The following TBC1D9 variants were observed in gnomAD, a reference collection of about 807,000 sequenced individuals.
The protein encoded by TBC1D9 is TBC1 domain family member 9, also known as TBC1 domain family member 9A.
A neutral mutation model predicts 132.0 loss-of-function variants in TBC1D9; 63 were observed. The ratio of observed to expected loss-of-function variants is 0.48; its 90% CI spans 0.39 to 0.59. The LOEUF (loss-of-function observed/expected upper bound fraction) is 0.59, where lower values mean the gene tolerates loss of function less well. Among genes scored for constraint, TBC1D9 ranks in the 20% least tolerant of loss-of-function variants. TBC1D9 has a pLI of 0.00. For missense variants in TBC1D9, 1,261 were observed against 1,592.7 expected (o/e 0.79, Z 3.54); for synonymous variants, 610 against 609.9 (o/e 1.00, Z 0.00).
intron 1 of TBC1D9, among the ~76,000 whole-genome samples, chr4:140,721,816 TCTC>T (rs1433802264): frequency 6.6e-6 from 1 of 152,140 alleles, no homozygotes; most frequent in Non-Finnish European, 1.5e-5. Flanking sequence ...CTAGAATTGT[TCTC>T]CTGTGACTGA....
intron 1 of TBC1D9, among the ~76,000 whole-genome samples, chr4:140,755,649 C>G (rs2111090725): frequency 6.6e-6 from 1 of 151,936 alleles, no homozygotes; most frequent in East Asian, 1.9e-4. Flanking sequence ...TCCCTCCGCC[C>G]CAGACTCACT....
chr4:140,672,805 A>C (rs1229108193), intron 6 of TBC1D9, among the ~76,000 whole-genome samples: 1 of 152,252 alleles, frequency 6.6e-6, no homozygotes, highest in East Asian at 1.9e-4. Context: ...TTGAGTTATA[A>C]AAGAGACTGC....
At chr4:140,625,430 G>A (rs2321386) in intron 18 of TBC1D9, among the ~76,000 whole-genome samples, 1 of 152,174 alleles carries the variant, frequency 6.6e-6, no homozygotes, top group Non-Finnish European at 1.5e-5. Context: ...GGTGTACAAT[G>A]CCCTCAGTTT....
At chr4:140,722,482 G>A (rs1054064193) in intron 1 of TBC1D9, among the ~76,000 whole-genome samples, 1 of 152,124 alleles carries the variant, frequency 6.6e-6, no homozygotes, top group African/African-American at 2.4e-5. Flanking sequence ...TCAATCATTT[G>A]TTCATCTGGG....
intron 1 of TBC1D9, among the ~76,000 whole-genome samples, chr4:140,736,892 G>A (rs1475897511): frequency 6.6e-6 from 1 of 152,210 alleles, no homozygotes; most frequent in Non-Finnish European, 1.5e-5. Flanking sequence ...GAATTAGCAA[G>A]AGGCAACCAG....
intron 13 of TBC1D9, chr4:140,643,567 G>C: frequency 1.1e-6 from 1 of 883,620 alleles, no homozygotes; most frequent in Non-Finnish European, 1.8e-6. Context: ...AGGCTGGGCT[G>C]GGGCTCGCTC....
chr4:140,712,601 G>A (rs2111049849), intron 1 of TBC1D9, among the ~76,000 whole-genome samples: 1 of 151,574 alleles, frequency 6.6e-6, no homozygotes, highest in Middle Eastern at 3.4e-3. Flanking sequence ...AATTAGCTAG[G>A]CGTAGTGGCG....
At position 140,745,096 on chromosome 4, in the gene TBC1D9, T is replaced by C. The variant is rs188890581; in HGVS notation, c.130+10820A>G. Reference sequence around the variant, plus strand: ...CCCCACCTCTTTGAGTAGTCCTGTCTGCCCAGACAAAACCAATTACACCTT... The same window carrying C: ...CCCCACCTCTTTGAGTAGTCCTGTCCGCCCAGACAAAACCAATTACACCTT... On this transcript the variant is annotated intron_variant, in intron 1 of 20. Transcript: ENST00000442267. 2.0e-4 allele frequency among the ~76,000 whole-genome samples: 30 copies of C among 152,228 alleles called. No homozygotes were observed. The East Asian group carries it at 4.6e-3, about 24-fold the overall frequency.
At chr4:140,715,236 T>C (rs1738316882) in intron 1 of TBC1D9, among the ~76,000 whole-genome samples, 1 of 152,196 alleles carries the variant, frequency 6.6e-6, no homozygotes, top group African/African-American at 2.4e-5. Flanking sequence ...AAGGAGAGTA[T>C]AATGAGGCAT....
intron 13 of TBC1D9, chr4:140,642,738 C>T (rs1737024635): frequency 3.1e-6 from 2 of 650,960 alleles, no homozygotes; most frequent in East Asian, 2.6e-5. Context: ...TTCCTTATTC[C>T]TGCTCCCAGC....
At chr4:140,732,267 T>C (rs1419850198) in intron 1 of TBC1D9, among the ~76,000 whole-genome samples, 2 of 152,164 alleles carry the variant, frequency 1.3e-5, no homozygotes, top group Non-Finnish European at 2.9e-5. Context: ...ACCTTAATCT[T>C]CTCCAGTTGA....
intron 13 of TBC1D9, among the ~76,000 whole-genome samples, chr4:140,647,927 G>T (rs1398269088): frequency 6.6e-6 from 1 of 152,150 alleles, no homozygotes. Flanking sequence ...TTTGGGGGGG[G>T]TCTCTCCCTC....
intron 1 of TBC1D9, among the ~76,000 whole-genome samples, chr4:140,742,448 C>T (rs552638546): frequency 1.4e-5 from 2 of 143,260 alleles, no homozygotes; most frequent in African/African-American, 2.6e-5. Flanking sequence ...AGGCTAATTG[C>T]TTGAACCTGG....
intron 11 of TBC1D9, 131 bp downstream of exon 11, chr4:140,659,457 T>A: frequency 1.7e-6 from 1 of 604,022 alleles, no homozygotes; most frequent in Non-Finnish European, 2.9e-6. Context: ...CTCATTTCCA[T>A]TTTGAAAAAC....
intron 1 of TBC1D9, among the ~76,000 whole-genome samples, chr4:140,725,887 GGT>G (rs1738495014): frequency 6.6e-6 from 1 of 152,208 alleles, no homozygotes; most frequent in South Asian, 2.1e-4. Flanking sequence ...ACCTAGAGTC[GGT>G]GATAATAGGG....
chr4:140,632,932 C>T (rs1176446519), intron 16 of TBC1D9, among the ~76,000 whole-genome samples: 1 of 152,222 alleles, frequency 6.6e-6, no homozygotes, highest in Non-Finnish European at 1.5e-5. Flanking sequence ...ACAACAGTAT[C>T]TGCACTCTAA....
chr4:140,697,751 C>T (rs752497892), intron 2 of TBC1D9, among the ~76,000 whole-genome samples: 4 of 152,208 alleles, frequency 2.6e-5, no homozygotes, highest in Non-Finnish European at 5.9e-5. Context: ...CAGAATCAGA[C>T]TGAGGAGTAG....
rs1578820314 is a variant in TBC1D9, at chr4:140,642,739, T to A, written c.2338-3311A>T. On this transcript the variant is annotated intron_variant, in intron 13 of 20. Coordinates refer to ENST00000442267, the MANE Select transcript of TBC1D9 (RefSeq NM_015130.3). ...GCCCTTTGTGTCTCTTCCTTATTCC[T>A]GCTCCCAGCTCATAGTCATCTGATG... 31 of 651,188 alleles carry A rather than the reference T, an allele frequency of 4.8e-5. No individual in the cohort carries two copies. In the East Asian group the frequency reaches 8.0e-4, roughly 17 times the overall value. 40.3% of individuals were successfully genotyped at this position (651,188 alleles called of 1,614,324 possible).
chr4:140,708,311 C>T (rs1738178526), intron 1 of TBC1D9, among the ~76,000 whole-genome samples: 1 of 152,170 alleles, frequency 6.6e-6, no homozygotes, highest in East Asian at 1.9e-4. Flanking sequence ...GGTAATAATG[C>T]AAACCAAACT....
Sources: gnomAD v4.1 joint callset for allele counts (sites outside exome capture counted in the v4.1 genomes callset) on GRCh38, gnomAD v4.1.1 for gene constraint, MANE v1.5 for transcripts, NCBI Gene and HGNC (gene_info 2026-07-23, HGNC 2026-07-21) for gene names.